The following VPS33A variants were observed in gnomAD, a reference collection of about 807,000 sequenced individuals.
The protein encoded by VPS33A is VPS33A core subunit of CORVET and HOPS complexes, also known as vacuolar protein sorting-associated protein 33A.
Under a neutral mutation model 71.8 loss-of-function variants are expected in VPS33A, and 32 were observed. That is an observed-to-expected ratio of 0.45 (90% CI 0.34 to 0.60). The LOEUF (loss-of-function observed/expected upper bound fraction) is 0.60. Ranked by LOEUF, VPS33A falls within the 20% of genes least tolerant of loss-of-function variation. The pLI is 0.02. For synonymous variants in VPS33A, 311 were observed against 292.7 expected (o/e 1.06, Z -0.64); for missense variants, 625 against 748.5 (o/e 0.84, Z 1.92).
At chr12:122,240,618 C>A (rs1285805190) in intron 8 of VPS33A, among the ~76,000 whole-genome samples, 4 of 152,190 alleles carry the variant, frequency 2.6e-5, no homozygotes, top group Non-Finnish European at 4.4e-5. Flanking sequence ...AAACAAAGGA[C>A]TGATTTTCCG....
chr12:122,261,213 A>C lies in VPS33A; in HGVS notation c.483+48T>G, dbSNP rs372246543. The C allele has an allele frequency of 8.3e-6, 13 of 1,564,040 alleles. No homozygotes were observed. In the African/African-American group the frequency reaches 1.2e-4, roughly 15 times the overall value. On this transcript the variant is annotated intron_variant, in intron 4 of 12. Coordinates refer to ENST00000267199, the MANE Select transcript of VPS33A (RefSeq NM_022916.6). ...AGTACTGTGGTATGCTCACACTCAT[A>C]AACTGGGCAAAAATTAATGCCTGAA...
intron 6 of VPS33A, among the ~76,000 whole-genome samples, chr12:122,247,714 GAC>G (rs1387978172): frequency 6.6e-6 from 1 of 151,954 alleles, no homozygotes; most frequent in Admixed American, 6.6e-5. Flanking sequence ...AACATGGTAG[GAC>G]CACAGCCAGT....
rs772123603 is a variant in VPS33A at position 122,235,780 on chromosome 12, G to A, written c.1440+6C>T. 6.2e-7 allele frequency: 1 copy of A among 1,608,460 alleles called. No individual in the cohort carries two copies. Among genetic ancestry groups the A allele is most frequent in the South Asian group, 1.1e-5 (1 of 90,282 alleles). ...AGCTGAGACGAGGTGGAGAAGTGTG[G>A]CTTACTTGCTCATTAACATCATCCA... is the stretch of plus-strand genomic sequence containing the variant. On this transcript the variant is annotated splice_donor_region_variant and intron_variant, in intron 11 of 12. Transcript: ENST00000267199.
intron 3 of VPS33A, among the ~76,000 whole-genome samples, chr12:122,263,164 TG>T (rs1955020984): frequency 2.6e-5 from 4 of 152,050 alleles, no homozygotes; most frequent in Non-Finnish European, 5.9e-5. Context: ...GGCTAATTTT[TG>T]TATTTTTAGT....
Position 122,252,556 on chromosome 12 carries a change from C to T in VPS33A, c.484-1457G>A, listed in dbSNP as rs543332605. On this transcript the variant is annotated intron_variant, in intron 4 of 12. Coordinates refer to ENST00000267199, the MANE Select transcript of VPS33A (RefSeq NM_022916.6). Reference sequence around the variant, plus strand: ...AAGTGCTGGGATTACAGGCGTGAGCCACCGCGCCCAGCCGACCCCATCTCT... The same window carrying T: ...AAGTGCTGGGATTACAGGCGTGAGCTACCGCGCCCAGCCGACCCCATCTCT... Among the ~76,000 whole-genome samples, 303 of 151,948 alleles carry T rather than the reference C, an allele frequency of 2.0e-3. 4 individuals carry two copies. The highest frequency in any genetic ancestry group is 7.1e-3 in the African/African-American group (293 of 41,428).
Position 122,250,039 on chromosome 12 carries a change from C to T in VPS33A, c.607G>A (p.Ala203Thr). 1 of 1,605,860 alleles carries T rather than the reference C, an allele frequency of 6.2e-7. No individual in the cohort carries two copies. The highest frequency in any genetic ancestry group is 2.2e-5 in the East Asian group (1 of 44,638). Reference sequence around the variant, plus strand: ...CTCTTCATCCTGATCATCATATTGGCCACTTGCTGGAAACAAAACATTGGA... The same window carrying T: ...CTCTTCATCCTGATCATCATATTGGTCACTTGCTGGAAACAAAACATTGGA... Reference protein sequence around the residue: ...FGKGECARQVANMMIRMKREF... With the variant: ...FGKGECARQVTNMMIRMKREF... The change falls in exon 6 of 13, where the codon GCC becomes ACC. Residue 203 changes from alanine (A) to threonine (T), a missense_variant. Transcript: ENST00000267199.
chr12:122,235,648 G>T, intron 11 of VPS33A, 138 bp downstream of exon 11: 3 of 1,115,356 alleles, frequency 2.7e-6, no homozygotes, highest in Non-Finnish European at 3.8e-6. Flanking sequence ...TACAATACAT[G>T]CATACATTAC....
Position 122,232,879 on chromosome 12 carries a change from G to A in VPS33A, c.1530C>T (p.Ser510=), listed in dbSNP as rs781088698. 1 of 1,613,872 alleles carries A rather than the reference G, an allele frequency of 6.2e-7. No individual in the cohort carries two copies. Among genetic ancestry groups the A allele is most frequent in the South Asian group, 1.1e-5 (1 of 91,074 alleles). The stretch of plus-strand genomic sequence containing the variant: ...GGAGGATGCGGAGGACCTCCTCGAT[G>A]CTCCGCCAGCCAGGCCGGGAAAGCA... ...AQLLSRPGWR[S]IEEVLRILPG... Residue 510 remains serine, a synonymous_variant, in exon 12 of 13, where the codon AGC becomes AGT. Transcript: ENST00000267199.
Position 122,238,640 on chromosome 12 carries a change from T to C in VPS33A, c.1249A>G (p.Asn417Asp). The C allele has an allele frequency of 6.2e-7, 1 of 1,614,060 alleles. No homozygotes were observed. The highest frequency in any genetic ancestry group is 8.5e-7 in the Non-Finnish European group (1 of 1,179,988). ...AAAACTTTTTGTTTGAGCCCACTAT[T>C]ACACACGGATTGGAGGCAAACTAGT... ...LRLVCLQSVC[N>D]SGLKQKVLDY... Residue 417 changes from asparagine (N) to aspartate (D), a missense_variant, in exon 10 of 13, where the codon AAT becomes GAT. By Grantham distance (23) the Asn-to-Asp change is conservative. Transcript: ENST00000267199.
At position 122,261,436 on chromosome 12, in the gene VPS33A, C is replaced by T. The variant is rs765526584; in HGVS notation, c.308G>A (p.Arg103Gln). 7 of 1,613,614 alleles carry T rather than the reference C, an allele frequency of 4.3e-6. No homozygotes were observed. The highest frequency in any genetic ancestry group is 4.2e-6 in the Non-Finnish European group (5 of 1,179,874). The change falls in exon 4 of 13, where the codon CGA (arginine) becomes CAA (glutamine). Residue 103 changes from arginine to glutamine, a missense_variant. Coordinates refer to ENST00000267199, the MANE Select transcript of VPS33A (RefSeq NM_022916.6). ...AATATGAAAATCTCTCGTTGGGCCT[C>T]GTCTATCTTCACTGCAAAGGAAGCA... ...IAENVLSEDR[R>Q]GPTRDFHILF...
intron 4 of VPS33A, among the ~76,000 whole-genome samples, chr12:122,255,279 T>C (rs924865147): frequency 9.8e-5 from 15 of 152,292 alleles, no homozygotes; most frequent in African/African-American, 3.4e-4. Context: ...AGATAAGTGG[T>C]GGATAGACAG....
chr12:122,250,534 C>CT (rs750415951), intron 5 of VPS33A, among the ~76,000 whole-genome samples: 8 of 152,212 alleles, frequency 5.3e-5, no homozygotes, highest in African/African-American at 9.6e-5. Context: ...CGAAGCGTCT[C>CT]TGACACACGT....
intron 10 of VPS33A, among the ~76,000 whole-genome samples, chr12:122,237,596 T>G (rs906430135): frequency 9.8e-5 from 14 of 143,032 alleles, no homozygotes; most frequent in African/African-American, 3.8e-4. Flanking sequence ...GACTGCGGAC[T>G]GCAGTGGCGC....
chr12:122,249,829 T>C (rs749283456), intron 6 of VPS33A, 42 bp downstream of exon 6: 1 of 1,553,460 alleles, frequency 6.4e-7, no homozygotes, highest in Non-Finnish European at 8.7e-7. Flanking sequence ...AGGATATTCT[T>C]CTCATATTAC....
At chr12:122,263,309 A>G (rs1428052090) in intron 3 of VPS33A, among the ~76,000 whole-genome samples, 1 of 152,100 alleles carries the variant, frequency 6.6e-6, no homozygotes, top group Non-Finnish European at 1.5e-5. Context: ...TTTAAGTTTA[A>G]AAATACGTAA....
intron 1 of VPS33A, chr12:122,264,792 G>A (rs2136155453): frequency 6.6e-6 from 1 of 152,190 alleles, no homozygotes; most frequent in East Asian, 1.9e-4. Flanking sequence ...TGAGAAAGGA[G>A]TTAATCACTG....
rs768540274 is a variant in VPS33A, at chr12:122,241,353, C to T, written c.1096+1029G>A. On this transcript the variant is annotated intron_variant, in intron 8 of 12. Coordinates refer to ENST00000267199, the MANE Select transcript of VPS33A (RefSeq NM_022916.6). ...TGGAGTCCTGCTCTGTCGCCCAGGC[C>T]GGAGTGCAGTGGTGCAATCTTGGCT... is the stretch of plus-strand genomic sequence containing the variant. Among the ~76,000 whole-genome samples, 55 of 151,784 alleles carry T rather than the reference C, an allele frequency of 3.6e-4. 1 individual carries two copies. Among genetic ancestry groups the T allele is most frequent in the African/African-American group, 1.2e-3 (49 of 41,422 alleles).
intron 4 of VPS33A, among the ~76,000 whole-genome samples, chr12:122,254,340 T>C (rs1383625550): frequency 6.6e-6 from 1 of 151,776 alleles, no homozygotes; most frequent in Non-Finnish European, 1.5e-5. Context: ...AGCTGTGCCA[T>C]CCGGATAAAG....
intron 10 of VPS33A, 53 bp downstream of exon 10, chr12:122,238,534 T>C: frequency 6.4e-7 from 1 of 1,573,230 alleles, no homozygotes; most frequent in South Asian, 1.2e-5. Flanking sequence ...TGAAGTATTT[T>C]TTAAAAAGAT....
Sources: allele counts gnomAD v4.1 joint callset (sites outside exome capture counted in the v4.1 genomes callset), GRCh38; gene constraint gnomAD v4.1.1; transcripts MANE v1.5; gene names NCBI Gene and HGNC (gene_info 2026-07-23, HGNC 2026-07-21).